ABLIM1: variants seen among roughly 807,000 people sequenced by gnomAD.
ABLIM1 encodes actin binding LIM protein 1, also known as actin-binding LIM protein 1.
In ABLIM1, 40 loss-of-function variants were observed where a neutral mutation model predicts 107.0. That is an observed-to-expected ratio of 0.37 (90% CI 0.29 to 0.49). The LOEUF (loss-of-function observed/expected upper bound fraction) is 0.49, where lower values mean the gene tolerates loss of function less well. Among genes scored for constraint, ABLIM1 ranks in the 20% least tolerant of loss-of-function variants. ABLIM1 has a pLI of 0.97. For synonymous variants in ABLIM1, 357 were observed against 357.3 expected (o/e 1.00, Z 0.01); for missense variants, 857 against 1,008.5 (o/e 0.85, Z 2.04).
At position 114,432,098 on chromosome 10, in the gene ABLIM1, A is replaced by G. The variant is rs930924493; in HGVS notation, c.*4162T>C. The G allele has an allele frequency of 1.3e-5, 2 of 152,218 alleles. No individual in the cohort carries two copies. Among genetic ancestry groups the G allele is most frequent in the African/African-American group, 2.4e-5 (1 of 41,468 alleles). 9.4% of individuals were successfully genotyped at this position (152,218 alleles called of 1,614,324 possible). A position where few individuals can be genotyped will look rare whatever the true frequency, so the allele number is the denominator to read the frequency against. ...GTATCACTGCAAATCTCAAGTCCCA[A>G]ATAATCTCTTTTTCTGGATAGAAAG... is the stretch of plus-strand genomic sequence containing the variant. On this transcript the variant is annotated 3_prime_UTR_variant, in exon 23 of 23. Coordinates refer to ENST00000533213, the MANE Select transcript of ABLIM1 (RefSeq NM_002313.7).
chr10:114,718,119 GAA>G (rs201073418), intron 1 of ABLIM1, among the ~76,000 whole-genome samples: 2 of 76,816 alleles, frequency 2.6e-5, no homozygotes, highest in African/African-American at 7.3e-5. Context: ...AAGAAAGAAA[GAA>G]AAAGAAAGAA....
chr10:114,461,383 CA>C (rs1178555022), intron 12 of ABLIM1, among the ~76,000 whole-genome samples: 1 of 132,398 alleles, frequency 7.6e-6, no homozygotes, highest in Non-Finnish European at 1.6e-5. Context: ...TTAAAATACA[CA>C]ACTGAAGGGT....
intron 1 of ABLIM1, among the ~76,000 whole-genome samples, chr10:114,677,649 C>A (rs973458721): frequency 1.3e-5 from 2 of 152,158 alleles, no homozygotes; most frequent in Non-Finnish European, 2.9e-5. Flanking sequence ...GTGGCATGCG[C>A]CTGTAATTCC....
intron 1 of ABLIM1, among the ~76,000 whole-genome samples, chr10:114,616,575 G>A (rs889047936): frequency 2.6e-5 from 4 of 152,222 alleles, no homozygotes; most frequent in African/African-American, 9.6e-5. Flanking sequence ...ACTGTGGCAT[G>A]ACAAAGGTGA....
At chr10:114,505,061 C>T (rs1228624585) in intron 6 of ABLIM1, among the ~76,000 whole-genome samples, 4 of 152,118 alleles carry the variant, frequency 2.6e-5, no homozygotes, top group Non-Finnish European at 5.9e-5. Context: ...GAGGGAGAGA[C>T]CCCAAATCCA....
At chr10:114,697,973 G>A (rs1024000402) in intron 1 of ABLIM1, among the ~76,000 whole-genome samples, 12 of 151,482 alleles carry the variant, frequency 7.9e-5, no homozygotes, top group Admixed American at 7.9e-4. Flanking sequence ...AACTATAGAG[G>A]AAAATTACAC....
chr10:114,787,441 C>CGGAA, the ABLIM1 span, among the ~76,000 whole-genome samples: 1 of 145,438 alleles, frequency 6.9e-6, no homozygotes. Flanking sequence ...CCGCCCCATC[C>CGGAA]GGGAGGTGAG....
intron 2 of ABLIM1, 109 bp downstream of exon 2, chr10:114,601,718 C>T: frequency 6.5e-7 from 1 of 1,536,684 alleles, no homozygotes; most frequent in African/African-American, 1.4e-5. Flanking sequence ...CTTCTGAGAG[C>T]ATTCGCTTAT....
chr10:114,444,152 GAAA>G lies in ABLIM1; in HGVS notation c.1828-21_1828-19del, dbSNP rs11338035. 1.3e-3 allele frequency: 1,618 copies of G among 1,272,048 alleles called. 1 individual carries two copies. Among genetic ancestry groups the G allele is most frequent in the South Asian group, 3.0e-3 (199 of 66,688 alleles). The allele number at this position is 1,272,048 out of a possible 1,614,324, so 78.8% of individuals were successfully genotyped here. A position where few individuals can be genotyped will look rare whatever the true frequency, so the allele number is the denominator to read the frequency against. On this transcript the variant is annotated intron_variant, in intron 16 of 22. Transcript: ENST00000533213. ...GAGTTAAGCTATTCACAGAAAAAAG[GAAA>G]AAAAAAAAAAAAAGAAAGCAAAGCT...
chr10:114,547,440 C>T, intron 5 of ABLIM1: 1 of 590,084 alleles, frequency 1.7e-6, no homozygotes, highest in East Asian at 3.0e-5. Flanking sequence ...TTAAATTAGG[C>T]AATGATTAAC....
intron 20 of ABLIM1, chr10:114,439,688 T>C (rs2059926798): frequency 5.7e-6 from 2 of 353,594 alleles, no homozygotes; most frequent in African/African-American, 2.1e-5. Context: ...TGCTCTCTCC[T>C]ATTGGCTAAG....
chr10:114,788,348 A>T, the ABLIM1 span, among the ~76,000 whole-genome samples: 1,652 of 140,574 alleles, frequency 0.012, 13 homozygotes, highest in Middle Eastern at 0.018. Flanking sequence ...AAAAAAAAAA[A>T]TAAATAAATA....
In ABLIM1 at chr10:114,706,378, A is replaced by G. The variant is rs560996235; in HGVS notation, c.-213+61683T>C. ...CCAGCTCATCATCAGCTGATTGTCAAAGTTTTGTGGAATACGCTTATCAAT... is the reference window on the plus strand; with the variant it reads ...CCAGCTCATCATCAGCTGATTGTCAGAGTTTTGTGGAATACGCTTATCAAT... On this transcript the variant is annotated intron_variant, in intron 1 of 15. Transcript: ENST00000651092. Among the ~76,000 whole-genome samples, 5 of 152,352 alleles carry G rather than the reference A, an allele frequency of 3.3e-5. No individual in the cohort carries two copies. In the South Asian group the frequency reaches 1.0e-3, roughly 32 times the overall value.
At chr10:114,700,493 C>A (rs1355266472) in intron 1 of ABLIM1, among the ~76,000 whole-genome samples, 1 of 100,646 alleles carries the variant, frequency 9.9e-6, no homozygotes, top group Admixed American at 1.2e-4. Context: ...ACAATTAAAA[C>A]ACACACACAC....
chr10:114,436,453 T>G (rs1197758023), intron 22 of ABLIM1, 80 bp from the exon 23 acceptor site: 3 of 1,031,934 alleles, frequency 2.9e-6, no homozygotes, highest in Non-Finnish European at 4.4e-6. Flanking sequence ...CTCTATAGTT[T>G]ATACAGAGTC....
the ABLIM1 span, among the ~76,000 whole-genome samples, chr10:114,780,666 G>T: frequency 6.6e-6 from 1 of 152,052 alleles, no homozygotes; most frequent in Non-Finnish European, 1.5e-5. Context: ...ATTTTGCTTT[G>T]GTCTGTTGGG....
intron 1 of ABLIM1, among the ~76,000 whole-genome samples, chr10:114,673,979 G>A (rs2080369558): frequency 6.6e-6 from 1 of 152,174 alleles, no homozygotes; most frequent in South Asian, 2.1e-4. Flanking sequence ...TATCTAGTTA[G>A]CAAAATAGAG....
chr10:114,660,787 C>G (rs1319918947), upstream of ABLIM1, among the ~76,000 whole-genome samples: 1 of 152,180 alleles, frequency 6.6e-6, no homozygotes, highest in Non-Finnish European at 1.5e-5. Context: ...ATGATACAGC[C>G]ACTTTGAAGG....
At chr10:114,514,241 G>A (rs1295307084) in intron 6 of ABLIM1, among the ~76,000 whole-genome samples, 4 of 151,724 alleles carry the variant, frequency 2.6e-5, no homozygotes, top group African/African-American at 9.7e-5. Context: ...CGGAGATTGC[G>A]GTGAGCCAAG....
Sources: gnomAD v4.1 joint callset for allele counts (sites outside exome capture counted in the v4.1 genomes callset) on GRCh38, gnomAD v4.1.1 for gene constraint, MANE v1.5 for transcripts, NCBI Gene and HGNC (gene_info 2026-07-23, HGNC 2026-07-21) for gene names.